The following SBF2 variants were observed in gnomAD, a reference collection of about 807,000 sequenced individuals.
SBF2 encodes the protein SET binding factor 2.
SBF2 carries 112 observed loss-of-function variants against 225.2 expected under a neutral mutation model. The observed-to-expected ratio is 0.50, with a 90% confidence interval of 0.43 to 0.58. The LOEUF (loss-of-function observed/expected upper bound fraction) is 0.58, where lower values mean the gene tolerates loss of function less well. SBF2 is among the 20% of genes least tolerant of loss of function. The pLI is 0.00. For missense variants in SBF2, 1,996 were observed against 2,206.2 expected (o/e 0.90, Z 1.91); for synonymous variants, 763 against 773.3 (o/e 0.99, Z 0.22).
At chr11:10,003,690 T>C (rs1346800687) in intron 6 of SBF2, among the ~76,000 whole-genome samples, 1 of 152,036 alleles carries the variant, frequency 6.6e-6, no homozygotes, top group African/African-American at 2.4e-5. Context: ...TTCTATCTTC[T>C]CTTTTTTCCT....
chr11:10,182,254 T>G (rs542412099), intron 2 of SBF2, among the ~76,000 whole-genome samples: 1 of 152,170 alleles, frequency 6.6e-6, no homozygotes, highest in Non-Finnish European at 1.5e-5. Context: ...AATATAAAAA[T>G]TCATTCCTTA....
At chr11:10,204,912 T>C (rs1385544822) in intron 1 of SBF2, among the ~76,000 whole-genome samples, 1 of 151,024 alleles carries the variant, frequency 6.6e-6, no homozygotes, top group African/African-American at 2.4e-5. Flanking sequence ...TTTAAGTAAA[T>C]AGTGGTGATG....
chr11:9,837,848 C>G (rs1214093996), intron 26 of SBF2, among the ~76,000 whole-genome samples: 1 of 152,166 alleles, frequency 6.6e-6, no homozygotes, highest in Non-Finnish European at 1.5e-5. Flanking sequence ...AGTGATTCTC[C>G]TGCCTCAGCC....
intron 6 of SBF2, among the ~76,000 whole-genome samples, chr11:10,008,119 A>G (rs977867731): frequency 1.3e-5 from 2 of 152,208 alleles, no homozygotes; most frequent in African/African-American, 4.8e-5. Flanking sequence ...GTTGACTCCA[A>G]TTGGGATTAC....
At chr11:9,983,605 C>G (rs1284064059) in intron 13 of SBF2, among the ~76,000 whole-genome samples, 1 of 152,198 alleles carries the variant, frequency 6.6e-6, no homozygotes, top group African/African-American at 2.4e-5. Flanking sequence ...GGCACCACCT[C>G]CTGACAGGAG....
intron 32 of SBF2, among the ~76,000 whole-genome samples, chr11:9,796,549 ATG>A (rs1442674039): frequency 6.6e-6 from 1 of 152,190 alleles, no homozygotes; most frequent in African/African-American, 2.4e-5. Flanking sequence ...GTCAAAAGAA[ATG>A]TGTGTGTGTC....
At chr11:10,143,642 T>C (rs1224354438) in intron 2 of SBF2, among the ~76,000 whole-genome samples, 1 of 152,188 alleles carries the variant, frequency 6.6e-6, no homozygotes, top group East Asian at 1.9e-4. Flanking sequence ...TCTCCCTAAA[T>C]TGATCTATAG....
In SBF2 at chr11:9,827,292, C is replaced by T. The variant is rs1460256941; in HGVS notation, c.3793+2064G>A. Among the ~76,000 whole-genome samples, 4 of 152,156 alleles carry T rather than the reference C, an allele frequency of 2.6e-5. No individual in the cohort carries two copies. In the East Asian group the frequency reaches 7.7e-4, roughly 29 times the overall value. On this transcript the variant is annotated intron_variant, in intron 28 of 39. Transcript: ENST00000256190. ...CCTGTAATCCCAGCACTTTGGGAAG[C>T]CCAGGTGGGAGGACTGCTTCAGGCC...
intron 2 of SBF2, among the ~76,000 whole-genome samples, chr11:10,138,154 A>G (rs1256714893): frequency 6.6e-6 from 1 of 152,162 alleles, no homozygotes; most frequent in Non-Finnish European, 1.5e-5. Context: ...AAAATTATGA[A>G]TTCAATTTTC....
intron 1 of SBF2, among the ~76,000 whole-genome samples, chr11:10,203,009 G>A (rs1957622063): frequency 6.6e-6 from 1 of 150,462 alleles, no homozygotes; most frequent in Non-Finnish European, 1.5e-5. Context: ...CTTACTTCTT[G>A]GTAAGAGTTT....
At chr11:10,108,861 C>G (rs916069702) in intron 2 of SBF2, among the ~76,000 whole-genome samples, 1 of 151,972 alleles carries the variant, frequency 6.6e-6, no homozygotes, top group African/African-American at 2.4e-5. Context: ...TGTACCAGTA[C>G]GACAAACCAG....
intron 1 of SBF2, among the ~76,000 whole-genome samples, chr11:10,275,455 C>T (rs142667052): frequency 6.4e-4 from 97 of 152,234 alleles, no homozygotes; most frequent in African/African-American, 2.2e-3. Context: ...CAAGATAAAA[C>T]TAAAATATTT....
chr11:10,014,861 G>C (rs1184492278), intron 6 of SBF2, among the ~76,000 whole-genome samples: 1 of 152,092 alleles, frequency 6.6e-6, no homozygotes, highest in Non-Finnish European at 1.5e-5. Context: ...CTGGTGCAGT[G>C]GCTCATGCCT....
rs188164843 is a variant in SBF2, at chr11:10,107,862, G to T, written c.142-64881C>A. Among the ~76,000 whole-genome samples, 20 of 152,260 alleles carry T rather than the reference G, an allele frequency of 1.3e-4. No homozygotes were observed. The East Asian group carries it at 3.1e-3, about 24-fold the overall frequency. On this transcript the variant is annotated intron_variant, in intron 2 of 39. Transcript: ENST00000256190. ...AATAAGGTACCATTCACAGGTTATGGATAGACATCTTTTGGGGTGGGGACA... is the reference window on the plus strand; with the variant it reads ...AATAAGGTACCATTCACAGGTTATGTATAGACATCTTTTGGGGTGGGGACA...
At chr11:9,898,127 TCTTTGCC>T (rs1861422173) in intron 16 of SBF2, among the ~76,000 whole-genome samples, 1 of 150,920 alleles carries the variant, frequency 6.6e-6, no homozygotes, top group African/African-American at 2.4e-5. Context: ...GCAAAGATAA[TCTTTGCC>T]TATTTCAAAC....
intron 14 of SBF2, among the ~76,000 whole-genome samples, chr11:9,965,619 C>T (rs1244829275): frequency 6.6e-6 from 1 of 152,088 alleles, no homozygotes; most frequent in African/African-American, 2.4e-5. Context: ...ATTATATGCT[C>T]ACAATAAGCT....
rs1244676530 is a variant in SBF2 at position 10,270,681 on chromosome 11, G to A, written c.55+23334C>T. 2.0e-5 allele frequency among the ~76,000 whole-genome samples: 3 copies of A among 152,176 alleles called. No homozygotes were observed. In the East Asian group the frequency reaches 5.8e-4, roughly 29 times the overall value. On this transcript the variant is annotated intron_variant, in intron 1 of 39. Transcript: ENST00000256190. ...ACACAGCTTATATAAATGGATAGAT[G>A]CTATAAACATGTTTTTAAGAAGTAA... is the stretch of plus-strand genomic sequence containing the variant.
intron 17 of SBF2, among the ~76,000 whole-genome samples, chr11:9,874,574 C>T (rs764138775): frequency 6.6e-6 from 1 of 152,172 alleles, no homozygotes; most frequent in Non-Finnish European, 1.5e-5. Context: ...ATGATATAGT[C>T]AACTGTGGGT....
intron 17 of SBF2, 35 bp downstream of exon 17, chr11:9,895,908 C>A: frequency 6.8e-7 from 1 of 1,464,614 alleles, no homozygotes; most frequent in South Asian, 1.1e-5. Flanking sequence ...TTATGTAAAT[C>A]ATAACAAGCT....
Sources: allele counts gnomAD v4.1 joint callset (sites outside exome capture counted in the v4.1 genomes callset), GRCh38; gene constraint gnomAD v4.1.1; transcripts MANE v1.5; gene names NCBI Gene and HGNC (gene_info 2026-07-23, HGNC 2026-07-21).